FRMD4A: variants seen among roughly 807,000 people sequenced by gnomAD.
FRMD4A encodes the protein FERM domain-containing protein 4A.
A neutral mutation model predicts 129.1 loss-of-function variants in FRMD4A; 29 were observed. That is an observed-to-expected ratio of 0.22 (90% CI 0.17 to 0.31). FRMD4A has a LOEUF of 0.31. Ranked by LOEUF, FRMD4A falls within the 10% of genes least tolerant of loss-of-function variation. The pLI, the probability that FRMD4A is intolerant of heterozygous loss-of-function variation, is 1.00. For missense variants in FRMD4A, 1,272 were observed against 1,375.8 expected (o/e 0.92, Z 1.19); for synonymous variants, 634 against 571.6 (o/e 1.11, Z -1.56).
chr10:13,822,886 T>G (rs991816085), intron 3 of FRMD4A, among the ~76,000 whole-genome samples: 6 of 152,076 alleles, frequency 3.9e-5, no homozygotes, highest in African/African-American at 1.4e-4. Flanking sequence ...CTCTCTCCCC[T>G]CCTTCTCTCT....
chr10:14,282,975 T>C (rs1240414134), intron 2 of FRMD4A, among the ~76,000 whole-genome samples: 1 of 152,232 alleles, frequency 6.6e-6, no homozygotes, highest in Non-Finnish European at 1.5e-5. Flanking sequence ...TTTGCCATAT[T>C]ATTAAAGTGC....
In FRMD4A at chr10:13,769,238, T is replaced by C. The variant is rs564077341; in HGVS notation, c.385-6558A>G. Among the ~76,000 whole-genome samples the C allele has an allele frequency of 1.4e-3, 203 of 148,246 alleles. 1 individual carries two copies. Among genetic ancestry groups the C allele is most frequent in the Admixed American group, 1.6e-3 (24 of 14,722 alleles). Reference sequence around the variant, plus strand: ...GTGTGTGTGTGTGTGTGTGTGTGTGTGCGTATGTGTGTGTACTGGTCACCG... The same window carrying C: ...GTGTGTGTGTGTGTGTGTGTGTGTGCGCGTATGTGTGTGTACTGGTCACCG... On this transcript the variant is annotated intron_variant, in intron 6 of 24. Transcript: ENST00000357447.
intron 2 of FRMD4A, among the ~76,000 whole-genome samples, chr10:14,288,317 C>T (rs1477713982): frequency 1.3e-5 from 2 of 152,124 alleles, no homozygotes; most frequent in African/African-American, 4.8e-5. Context: ...TATGGTTTGC[C>T]TGGAGCTGGA....
chr10:14,136,740 AT>A (rs1430537096), intron 2 of FRMD4A, among the ~76,000 whole-genome samples: 2 of 151,806 alleles, frequency 1.3e-5, no homozygotes, highest in Non-Finnish European at 2.9e-5. Flanking sequence ...CATCTTATAC[AT>A]ATTGATTAAT....
At chr10:13,668,485 T>C (rs1395166193) in intron 17 of FRMD4A, 1 of 152,234 alleles carries the variant, frequency 6.6e-6, no homozygotes, top group Non-Finnish European at 1.5e-5. Context: ...GCAAAGTGCG[T>C]TTCCAGGAGC....
At chr10:13,778,167 G>T (rs1015834637) in intron 6 of FRMD4A, among the ~76,000 whole-genome samples, 1 of 152,006 alleles carries the variant, frequency 6.6e-6, no homozygotes, top group African/African-American at 2.4e-5. Context: ...GCTGCCCAAG[G>T]CTGCCACCTG....
chr10:13,846,704 C>T (rs1564902170), intron 3 of FRMD4A, among the ~76,000 whole-genome samples: 2 of 152,208 alleles, frequency 1.3e-5, no homozygotes, highest in African/African-American at 4.8e-5. Context: ...GTACTCCTCA[C>T]CTCTCTGATA....
chr10:13,884,168 T>A (rs11598923), intron 2 of FRMD4A, among the ~76,000 whole-genome samples: 738 of 67,124 alleles, frequency 0.011, 19 homozygotes, highest in Admixed American at 0.05. Flanking sequence ...ACACACACAC[T>A]CACACACTCA....
intron 2 of FRMD4A, among the ~76,000 whole-genome samples, chr10:14,130,682 G>A (rs1388191840): frequency 1.3e-5 from 2 of 152,160 alleles, no homozygotes; most frequent in Non-Finnish European, 2.9e-5. Context: ...TTTGAAAAAC[G>A]ATGTGATGAT....
intron 2 of FRMD4A, among the ~76,000 whole-genome samples, chr10:14,081,706 C>A (rs1835939605): frequency 6.6e-6 from 1 of 152,194 alleles, no homozygotes; most frequent in Admixed American, 6.5e-5. Flanking sequence ...GACATTCATT[C>A]TTGTTTTGAT....
intron 8 of FRMD4A, among the ~76,000 whole-genome samples, chr10:13,756,840 G>C (rs940434178): frequency 2.6e-5 from 4 of 152,170 alleles, no homozygotes; most frequent in Non-Finnish European, 1.5e-5. Context: ...ATCTCCCTCA[G>C]TACAGTGTTG....
chr10:13,904,883 C>T (rs893521107), intron 2 of FRMD4A, among the ~76,000 whole-genome samples: 1 of 147,160 alleles, frequency 6.8e-6, no homozygotes, highest in African/African-American at 2.5e-5. Context: ...ATCCCAGCTA[C>T]GCAGGAGGCT....
chr10:14,156,146 C>T (rs902117603), intron 2 of FRMD4A, among the ~76,000 whole-genome samples: 8 of 152,146 alleles, frequency 5.3e-5, no homozygotes, highest in East Asian at 3.9e-4. Context: ...CACAAGACAA[C>T]GGATCATGAC....
At chr10:14,059,966 C>T (rs958258562) in intron 2 of FRMD4A, among the ~76,000 whole-genome samples, 18 of 152,180 alleles carry the variant, frequency 1.2e-4, no homozygotes, top group South Asian at 2.1e-4. Flanking sequence ...GAAACCGAGG[C>T]ATAGTGGTGC....
intron 18 of FRMD4A, among the ~76,000 whole-genome samples, chr10:13,665,067 G>C (rs1278553231): frequency 6.6e-6 from 1 of 152,078 alleles, no homozygotes; most frequent in Non-Finnish European, 1.5e-5. Context: ...ATTTTTAGTA[G>C]AAACACTTTG....
At chr10:14,077,735 T>A (rs191007242) in intron 2 of FRMD4A, among the ~76,000 whole-genome samples, 1 of 152,186 alleles carries the variant, frequency 6.6e-6, no homozygotes, top group South Asian at 2.1e-4. Context: ...TAGAAGGAAA[T>A]CTGTTTGAAT....
intron 2 of FRMD4A, among the ~76,000 whole-genome samples, chr10:14,032,576 C>T (rs1833297583): frequency 6.6e-6 from 1 of 152,222 alleles, no homozygotes; most frequent in African/African-American, 2.4e-5. Flanking sequence ...CTCACTGTTG[C>T]TGCCTGGGAA....
intron 12 of FRMD4A, among the ~76,000 whole-genome samples, chr10:13,714,974 G>T (rs1482939497): frequency 6.6e-6 from 1 of 152,112 alleles, no homozygotes; most frequent in Non-Finnish European, 1.5e-5. Context: ...AGGAGGCAGA[G>T]GTTGCAGTGA....
At chr10:14,065,223 A>G (rs1834999708) in intron 2 of FRMD4A, among the ~76,000 whole-genome samples, 1 of 151,728 alleles carries the variant, frequency 6.6e-6, no homozygotes, top group African/African-American at 2.4e-5. Context: ...TCGCTCTGTC[A>G]CCCAGGCTGG....
Sources: gnomAD v4.1 joint callset for allele counts (sites outside exome capture counted in the v4.1 genomes callset) on GRCh38, gnomAD v4.1.1 for gene constraint, MANE v1.5 for transcripts, NCBI Gene and HGNC (gene_info 2026-07-23, HGNC 2026-07-21) for gene names.